Variants in TIMM21 observed in about 807,000 individuals in gnomAD.
TIMM21 encodes translocase of inner mitochondrial membrane 21.
TIMM21 carries 30 observed loss-of-function variants against 27.7 expected under a neutral mutation model. The observed-to-expected ratio is 1.08, with a 90% CI of 0.81 to 1.47. The LOEUF is 1.47. Among genes scored for constraint, TIMM21 ranks in the 40% most tolerant of loss-of-function variants. The pLI is 0.00. For synonymous variants in TIMM21, 121 were observed against 114.4 expected (o/e 1.06, Z -0.37); for missense variants, 292 against 302.9 (o/e 0.96, Z 0.27).
intron 1 of TIMM21, among the ~76,000 whole-genome samples, chr18:74,154,429 T>C (rs144516832): frequency 3.2e-4 from 49 of 152,218 alleles, no homozygotes; most frequent in African/African-American, 1.1e-3. Context: ...GCCCGGGTAA[T>C]TTTTTGTATT....
Position 74,155,422 on chromosome 18 carries a change from G to A in TIMM21, c.462+19G>A, listed in dbSNP as rs748636635. 9.8e-5 allele frequency: 156 copies of A among 1,588,760 alleles called. No homozygotes were observed. The highest frequency in any genetic ancestry group is 1.3e-4 in the Non-Finnish European group (153 of 1,166,130). On this transcript the variant is annotated intron_variant, in intron 3 of 5. Coordinates refer to ENST00000169551, the MANE Select transcript of TIMM21 (RefSeq NM_014177.3). ...TCCTGAGGTTAGTTCTCAAGATTGA[G>A]TTACATGAACTCTGATGAGGGGGAG...
chr18:74,158,444 T>G lies in TIMM21; in HGVS notation c.711T>G (p.Thr237=). The G allele has an allele frequency of 6.2e-7, 1 of 1,600,340 alleles. No individual in the cohort carries two copies. The highest frequency in any genetic ancestry group is 1.3e-5 in the African/African-American group (1 of 74,494). The change falls in exon 6 of 6, where the codon ACT becomes ACG. Residue 237 remains threonine, a synonymous_variant. Coordinates refer to ENST00000169551, the MANE Select transcript of TIMM21 (RefSeq NM_014177.3). ...FVEIESYPRR[T]IIIEDNRSQD... ...AAATTGAATCTTATCCTAGAAGAAC[T>G]ATTATCATTGAAGATAATCGATCCC...
chr18:74,148,876 T>G lies in TIMM21; in HGVS notation c.68T>G (p.Leu23Trp), dbSNP rs1979691537. The change falls in exon 1 of 6, where the codon TTG becomes TGG. Residue 23 changes from leucine (L) to tryptophan (W), a missense_variant. Leu to Trp is a moderately conservative substitution (Grantham distance 61). Transcript: ENST00000169551. ...CTGCACAGGTCCTCGGCAAAGCGATTGCTTTTGCCATACATCGTGCTTAAC... is the reference window on the plus strand; with the variant it reads ...CTGCACAGGTCCTCGGCAAAGCGATGGCTTTTGCCATACATCGTGCTTAAC... ...EKLHRSSAKR[L>W]LLPYIVLNKA... 13 of 1,614,186 alleles carry G rather than the reference T, an allele frequency of 8.1e-6. No individual in the cohort carries two copies. The highest frequency in any genetic ancestry group is 1.1e-5 in the Non-Finnish European group (13 of 1,180,024).
rs771251150 is a variant in TIMM21 at position 74,158,020 on chromosome 18, G to T, written c.469G>T (p.Gly157Cys). Residue 157 changes from glycine to cysteine, a missense_variant, in exon 4 of 6, where the codon GGT becomes TGT. Physicochemically the swap from Gly to Cys is radical, Grantham distance 159. Coordinates refer to ENST00000169551, the MANE Select transcript of TIMM21 (RefSeq NM_014177.3). The stretch of plus-strand genomic sequence containing the variant: ...CACTGTCCTTGTTCTGCAGGTGATC[G>T]GTGTCTTTGGTGAGTCTGTTAAAGG... ...EKCRSHPEVIGVFGESVKGYG... is the reference protein window; with the variant it reads ...EKCRSHPEVICVFGESVKGYG... The T allele has an allele frequency of 6.2e-7, 1 of 1,614,108 alleles. No individual in the cohort carries two copies. The highest frequency in any genetic ancestry group is 8.5e-7 in the Non-Finnish European group (1 of 1,180,012).
At chr18:74,151,192 G>C (rs1028995512) in intron 1 of TIMM21, among the ~76,000 whole-genome samples, 4 of 152,154 alleles carry the variant, frequency 2.6e-5, no homozygotes, top group African/African-American at 7.2e-5. Context: ...GTGAAGGACG[G>C]GGGGAGTCAG....
rs746250023 is a variant in TIMM21, at chr18:74,158,120, G to T, written c.536+33G>T. ...GGCTTGAATTCAGAGGAGGCTCTGG[G>T]GAGATTTTTAAATGAAAGGAACTTA... On this transcript the variant is annotated intron_variant, in intron 4 of 5. Transcript: ENST00000169551. The T allele has an allele frequency of 3.7e-6, 6 of 1,614,030 alleles. No individual in the cohort carries two copies. The highest frequency in any genetic ancestry group is 3.3e-4 in the Middle Eastern group (2 of 6,062).
chr18:74,158,277 G>A lies in TIMM21; in HGVS notation c.642+1G>A. 5 of 1,614,116 alleles carry A rather than the reference G, an allele frequency of 3.1e-6. No individual in the cohort carries two copies. The highest frequency in any genetic ancestry group is 4.2e-6 in the Non-Finnish European group (5 of 1,179,956). ...AACGGTGTATGCGCAAGTGAAAGAG[G>A]TGTGGGAATCATGGGATGTGGGGTC... On this transcript the variant is annotated splice_donor_variant, in intron 5 of 5. Coordinates refer to ENST00000169551, the MANE Select transcript of TIMM21 (RefSeq NM_014177.3). LOFTEE classifies it high-confidence loss of function.
At chr18:74,155,614 G>C (rs1317258154) in intron 3 of TIMM21, 7 of 506,518 alleles carry the variant, frequency 1.4e-5, no homozygotes, top group Non-Finnish European at 2.4e-5. Flanking sequence ...AATTGTACAA[G>C]ACAGTCATTT....
Position 74,151,429 on chromosome 18 carries a change from G to A in TIMM21, c.301+2320G>A, listed in dbSNP as rs77734655. 2.0e-3 allele frequency among the ~76,000 whole-genome samples: 305 copies of A among 152,242 alleles called. 1 individual carries two copies. The highest frequency in any genetic ancestry group is 3.2e-3 in the Non-Finnish European group (215 of 68,024). ...CTAGTCATCAACTCTGTTGCTTTCTGTAGGTCAGACACTCCCGACTGCCAC... is the reference window on the plus strand; with the variant it reads ...CTAGTCATCAACTCTGTTGCTTTCTATAGGTCAGACACTCCCGACTGCCAC... On this transcript the variant is annotated intron_variant, in intron 1 of 5. Coordinates refer to ENST00000169551, the MANE Select transcript of TIMM21 (RefSeq NM_014177.3).
In TIMM21 at chr18:74,152,538, C is replaced by T. The variant is rs1440638346; in HGVS notation, c.302-2607C>T. 6.6e-6 allele frequency among the ~76,000 whole-genome samples: 1 copy of T among 152,276 alleles called. No individual in the cohort carries two copies. Among genetic ancestry groups the T allele is most frequent in the Non-Finnish European group, 1.5e-5 (1 of 68,020 alleles). On this transcript the variant is annotated intron_variant, in intron 1 of 5. Transcript: ENST00000169551. This position sits in a 1 kb window ranked among gnomAD's most constrained non-coding sequence, Gnocchi z 4.1. Reference sequence around the variant, plus strand: ...GAATAACACATCAGCCAGTACATTCCCTTCCGCCAGCATTCCATCCCAGGT... The same window carrying T: ...GAATAACACATCAGCCAGTACATTCTCTTCCGCCAGCATTCCATCCCAGGT...
At chr18:74,157,943 G>A in intron 3 of TIMM21, 71 bp from the exon 4 acceptor site, 1 of 1,538,224 alleles carries the variant, frequency 6.5e-7, no homozygotes, top group Non-Finnish European at 8.9e-7. Flanking sequence ...AAATCATCTG[G>A]TTTGTTAAAA....
intron 1 of TIMM21, among the ~76,000 whole-genome samples, chr18:74,154,354 C>G (rs1599209386): frequency 6.6e-6 from 1 of 151,902 alleles, no homozygotes; most frequent in African/African-American, 2.4e-5. Flanking sequence ...CTCCGCCTCC[C>G]GGGTTCACGC....
At chr18:74,156,399 G>C (rs921311013) in intron 3 of TIMM21, 3 of 397,756 alleles carry the variant, frequency 7.5e-6, no homozygotes, top group Admixed American at 8.8e-5. Flanking sequence ...ATCATGTCAG[G>C]GTGGAAACCT....
At chr18:74,151,338 T>A (rs948008241) in intron 1 of TIMM21, among the ~76,000 whole-genome samples, 1 of 152,230 alleles carries the variant, frequency 6.6e-6, no homozygotes, top group Admixed American at 6.5e-5. Flanking sequence ...TAATTTCTCA[T>A]GACTGTGTAA....
rs1003790969 is a variant in TIMM21 at position 74,159,376 on chromosome 18, T to C, written c.*896T>C. ...TCACTTACAAGATCCTGATTCCATA[T>C]CTATGTAAGTGCTATGTGCATTGGG... On this transcript the variant is annotated 3_prime_UTR_variant, in exon 6 of 6. Transcript: ENST00000169551. 7 of 151,986 alleles carry C rather than the reference T, an allele frequency of 4.6e-5. No homozygotes were observed. Among genetic ancestry groups the C allele is most frequent in the African/African-American group, 1.2e-4 (5 of 41,392 alleles). 9.4% of individuals were successfully genotyped at this position (151,986 alleles called of 1,614,324 possible). A position where few individuals can be genotyped will look rare whatever the true frequency, so the allele number is the denominator to read the frequency against.
At chr18:74,155,542 A>G in intron 3 of TIMM21, 139 bp downstream of exon 3, 1 of 698,392 alleles carries the variant, frequency 1.4e-6, no homozygotes. Context: ...AGTCATCATT[A>G]CATTATTAGG....
rs981423516 is a variant in TIMM21, at chr18:74,152,699, T to C, written c.302-2446T>C. Among the ~76,000 whole-genome samples, 6 of 152,216 alleles carry C rather than the reference T, an allele frequency of 3.9e-5. No homozygotes were observed. The highest frequency in any genetic ancestry group is 1.4e-4 in the African/African-American group (6 of 41,446). On this transcript the variant is annotated intron_variant, in intron 1 of 5. Coordinates refer to ENST00000169551, the MANE Select transcript of TIMM21 (RefSeq NM_014177.3). The surrounding 1 kb of genome is among the most constrained non-coding windows in gnomAD (Gnocchi z 4.1). ...CAGCTCCAAAATCCAAATTGAGAGC[T>C]GCTTACCACTCCTGGTAGCACCCGT...
Position 74,157,757 on chromosome 18 carries a change from A to G in TIMM21, c.463-257A>G, listed in dbSNP as rs546745185. ...ACTACAGATGCGCATCACCATGCCC[A>G]GCTGATTTTTATATTTTTTAGTAGA... On this transcript the variant is annotated intron_variant, in intron 3 of 5. Coordinates refer to ENST00000169551, the MANE Select transcript of TIMM21 (RefSeq NM_014177.3). 7.7e-4 allele frequency: 331 copies of G among 431,338 alleles called. 2 individuals carry two copies. Among genetic ancestry groups the G allele is most frequent in the African/African-American group, 6.1e-3 (304 of 49,774 alleles). The allele number at this position is 431,338 out of a possible 1,614,324, so 26.7% of individuals were successfully genotyped here.
At chr18:74,151,937 T>TCTCCCCCC (rs1555682293) in intron 1 of TIMM21, among the ~76,000 whole-genome samples, 4 of 94,272 alleles carry the variant, frequency 4.2e-5, no homozygotes, top group African/African-American at 1.8e-4. Flanking sequence ...GTGTCTATGT[T>TCTCCCCCC]CCCCCCCCCC....
Sources: gnomAD v4.1 joint callset for allele counts (sites outside exome capture counted in the v4.1 genomes callset) on GRCh38, gnomAD v4.1.1 for gene constraint, Gnocchi (gnomAD v3.1) non-coding constraint, MANE v1.5 for transcripts, NCBI Gene and HGNC (gene_info 2026-07-23, HGNC 2026-07-21) for gene names.